EPPK1: variants seen among roughly 807,000 people sequenced by gnomAD.
EPPK1 encodes the protein epiplakin.
For missense variants in EPPK1, 3,823 were observed against 3,673.3 expected (o/e 1.04, Z -1.05); for synonymous variants, 1,862 against 1,721.2 (o/e 1.08, Z -2.03).
Position 143,870,500 on chromosome 8 carries a change from G to A in EPPK1, c.2754C>T (p.Leu918=). ...ACAGGTACCTGCGGACGCCGTCCAT[G>A]AGTAGGAGGGCCTCCGGGCTGATTG... ...AGTISPEALL[L]MDGVRRYLCG... is the part of the protein sequence containing the mutation. The change falls in exon 2 of 2, where the codon CTC becomes CTT. Residue 918 remains leucine (L), a synonymous_variant. Transcript: ENST00000615648. This position sits in a 1 kb window ranked among gnomAD's most constrained non-coding sequence, Gnocchi z 5.2. 5 of 1,606,900 alleles carry A rather than the reference G, an allele frequency of 3.1e-6. No homozygotes were observed. Among genetic ancestry groups the A allele is most frequent in the Non-Finnish European group, 4.2e-6 (5 of 1,176,736 alleles).
intron 1 of EPPK1, among the ~76,000 whole-genome samples, chr8:143,874,444 G>A (rs1257779995): frequency 6.6e-5 from 10 of 152,226 alleles, no homozygotes; most frequent in Non-Finnish European, 1.3e-4. Context: ...AACATAACTA[G>A]TGTCCTTATA....
At chr8:143,875,524 G>C (rs569059270) in intron 1 of EPPK1, among the ~76,000 whole-genome samples, 1 of 152,366 alleles carries the variant, frequency 6.6e-6, no homozygotes, top group East Asian at 1.9e-4. Context: ...TGTCCCGAGG[G>C]ACCGTGCTCA....
At position 143,867,004 on chromosome 8, in the gene EPPK1, G is replaced by A. The variant is rs781812162; in HGVS notation, c.6250C>T (p.Pro2084Ser). The A allele has an allele frequency of 5.6e-6, 9 of 1,612,694 alleles. No individual in the cohort carries two copies. In the African/African-American group the frequency reaches 6.7e-5, roughly 12 times the overall value. The change falls in exon 2 of 2, where the codon CCA becomes TCA. Residue 2084 changes from proline (P) to serine (S), a missense_variant. Physicochemically the swap from Pro to Ser is moderately conservative, Grantham distance 74 (BLOSUM62 -1). Coordinates refer to ENST00000615648, the MANE Select transcript of EPPK1 (RefSeq NM_031308.4). ...GAGTCCCGTGCAGCCTTGTTCACTGGGAACAGCAGCCAGCCCGTGTCCTCT... is the reference window on the plus strand; with the variant it reads ...GAGTCCCGTGCAGCCTTGTTCACTGAGAACAGCAGCCAGCCCGTGTCCTCT... ...PQEDTGWLLF[P>S]VNKAARDSEH...
rs781845272 is a variant in EPPK1 at position 143,867,090 on chromosome 8, A to G, written c.6164T>C (p.Val2055Ala). The G allele has an allele frequency of 9.9e-6, 16 of 1,612,960 alleles. No homozygotes were observed. In the South Asian group the frequency reaches 1.4e-4, roughly 14 times the overall value. Residue 2055 changes from valine to alanine, a missense_variant, in exon 2 of 2, where the codon GTG (valine) becomes GCG (alanine). Coordinates refer to ENST00000615648, the MANE Select transcript of EPPK1 (RefSeq NM_031308.4). The stretch of plus-strand genomic sequence containing the variant: ...GACCTTCTCTTGCGTGTTCGGGTCC[A>G]CAAACCGTTTCCTCATGTGCTTCTG... The part of the protein sequence containing the change: ...SDQKHMRKRF[V>A]DPNTQEKVSY...
Position 143,866,626 on chromosome 8 carries a change from G to C in EPPK1, c.6628C>G (p.Leu2210Val), listed in dbSNP as rs782779768. Residue 2210 changes from leucine to valine, a missense_variant, in exon 2 of 2, where the codon CTC (leucine) becomes GTC (valine). By Grantham distance (32) the Leu-to-Val change is conservative (BLOSUM62 1). Transcript: ENST00000615648. ...CGCTTGACGCGGTCGTCCTCCATGA[G>C]CTCTTGCGTCGTGCTCCGTCCCGTT... ...LETGRSTTQE[L>V]MEDDRVKRYL... 2 of 1,612,978 alleles carry C rather than the reference G, an allele frequency of 1.2e-6. No homozygotes were observed. The highest frequency in any genetic ancestry group is 8.5e-7 in the Non-Finnish European group (1 of 1,179,876).
Position 143,867,816 on chromosome 8 carries a change from A to C in EPPK1, c.5438T>G (p.Leu1813Arg), listed in dbSNP as rs376434550. The C allele has an allele frequency of 1.2e-5, 20 of 1,613,470 alleles. No homozygotes were observed. The African/African-American group carries it at 1.6e-4, about 13-fold the overall frequency. The change falls in exon 2 of 2, where the codon CTC (leucine) becomes CGC (arginine). Residue 1813 changes from leucine (L) to arginine (R), a missense_variant. Physicochemically the swap from Leu to Arg is moderately radical, Grantham distance 102. Transcript: ENST00000615648. ...ACTCTGGGCTCCATACTCCTGGATG[A>C]GCTCCCGCTTCCTGTCCTCTGTGAA... ...PYFTEDRKRE[L>R]IQEYGAQSGG...
Position 143,872,201 on chromosome 8 carries a change from CT to C in EPPK1, c.1052del (p.Glu351GlyfsTer13). 6.2e-7 allele frequency: 1 copy of C among 1,605,908 alleles called. No homozygotes were observed. Among genetic ancestry groups the C allele is most frequent in the South Asian group, 1.1e-5 (1 of 89,946 alleles). ...CGGCCACCAGGAGCTGCTCATGGAG[CT>C]CTGGGCTGACCAGGCCCGCCCTGAC... ...EAVRAGLVSPELHEQLLVAEQ... is the reference protein window; with the variant it reads ...EAVRAGLVSPXLHEQLLVAEQ... On this transcript the variant is annotated frameshift_variant, in exon 2 of 2. Coordinates refer to ENST00000615648, the MANE Select transcript of EPPK1 (RefSeq NM_031308.4). LOFTEE classifies it low-confidence loss of function (END_TRUNC).
At position 143,868,016 on chromosome 8, in the gene EPPK1, A is replaced by T; in HGVS notation, c.5238T>A (p.Cys1746Ter). The change falls in exon 2 of 2, where the codon TGT becomes TGA. Residue 1746 changes from cysteine to a stop codon, truncating the protein, a stop_gained. Transcript: ENST00000615648. LOFTEE classifies it low-confidence loss of function (END_TRUNC). ...NLTYLQLLERCVEDPETGLYL... is the reference protein window; with the variant it reads ...NLTYLQLLER ...ACAGGCCCGTCTCGGGGTCCTCCAC[A>T]CAGCGCTCCAGAAGCTGCAGGTACG... 6.2e-7 allele frequency: 1 copy of T among 1,613,578 alleles called. No homozygotes were observed. The highest frequency in any genetic ancestry group is 8.5e-7 in the Non-Finnish European group (1 of 1,179,990).
At position 143,867,395 on chromosome 8, in the gene EPPK1, C is replaced by T; in HGVS notation, c.5859G>A (p.Glu1953=). ...CGTTCACCAGGCCCACATCCACAGC[C>T]TCATCCACAGAGAGCTTCTGGCGGG... is the stretch of plus-strand genomic sequence containing the variant. ...PCTRQKLSVD[E]AVDVGLVNEE... is the part of the protein sequence containing the mutation. Residue 1953 remains glutamate, a synonymous_variant, in exon 2 of 2, where the codon GAG becomes GAA. Transcript: ENST00000615648. The T allele has an allele frequency of 6.2e-7, 1 of 1,612,914 alleles. No homozygotes were observed. Among genetic ancestry groups the T allele is most frequent in the Non-Finnish European group, 8.5e-7 (1 of 1,179,878 alleles).
At position 143,867,679 on chromosome 8, in the gene EPPK1, G is replaced by A. The variant is rs1554659562; in HGVS notation, c.5575C>T (p.Leu1859=). ...TGATCGATGACCCTGGAGTTGAACA[G>A]GTCTGCAGCTGTCACCTCCCCTCTG... ...AIRGEVTAAD[L]FNSRVIDQKT... The change falls in exon 2 of 2, where the codon CTG becomes TTG. Residue 1859 remains leucine (L), a synonymous_variant. Coordinates refer to ENST00000615648, the MANE Select transcript of EPPK1 (RefSeq NM_031308.4). 1.9e-6 allele frequency: 3 copies of A among 1,613,380 alleles called. No individual in the cohort carries two copies. The highest frequency in any genetic ancestry group is 1.3e-5 in the African/African-American group (1 of 74,906).
chr8:143,857,884 AT>A lies in EPPK1; in HGVS notation c.*102del, dbSNP rs1554657800. On this transcript the variant is annotated 3_prime_UTR_variant, in exon 2 of 2. Transcript: ENST00000615648. ...GATAACGAATGGGTAAAACAACAAA[AT>A]TAAAGAATGACAAAAAAAAAAAAAA... 1 of 879,698 alleles carries A rather than the reference AT, an allele frequency of 1.1e-6. No individual in the cohort carries two copies. Among genetic ancestry groups the A allele is most frequent in the Non-Finnish European group, 1.6e-6 (1 of 610,948 alleles). The allele number at this position is 879,698 out of a possible 1,614,324, so 54.5% of individuals were successfully genotyped here. A position where few individuals can be genotyped will look rare whatever the true frequency, so the allele number is the denominator to read the frequency against.
rs781830634 is a variant in EPPK1, at chr8:143,870,242, A to C, written c.3012T>G (p.Ala1004=). Residue 1004 remains alanine (A), a synonymous_variant, in exon 2 of 2, where the codon GCT becomes GCG. Coordinates refer to ENST00000615648, the MANE Select transcript of EPPK1 (RefSeq NM_031308.4). This position sits in a 1 kb window ranked among gnomAD's most constrained non-coding sequence, Gnocchi z 5.2. ...CTCTGAAGCCAGCAATGGCACCCTC[A>C]GCCCGCTTCAGCCTGCCATACAGCT... is the stretch of plus-strand genomic sequence containing the variant. The part of the protein sequence containing the change: ...GPELYGRLKR[A]EGAIAGFRDP... 1 of 1,601,962 alleles carries C rather than the reference A, an allele frequency of 6.2e-7. No homozygotes were observed. Among genetic ancestry groups the C allele is most frequent in the South Asian group, 1.1e-5 (1 of 89,468 alleles).
At chr8:143,875,429 G>A (rs566922195) in intron 1 of EPPK1, among the ~76,000 whole-genome samples, 10 of 152,234 alleles carry the variant, frequency 6.6e-5, no homozygotes, top group South Asian at 4.1e-4. Flanking sequence ...CCTCAGACAC[G>A]GAGCTGGGAC....
rs782237315 is a variant in EPPK1, at chr8:143,870,097, T to C, written c.3157A>G (p.Thr1053Ala). ...GGCATGGGGAGGTGGTGGTGGCTGG[T>C]GGGGTCAATGATCCCTCCTGTGGCC... ...QVATGGIIDPTSHHHLPMPVA... is the reference protein window; with the variant it reads ...QVATGGIIDPASHHHLPMPVA... The change falls in exon 2 of 2, where the codon ACC (threonine) becomes GCC (alanine). Residue 1053 changes from threonine to alanine, a missense_variant. Transcript: ENST00000615648. This position sits in a 1 kb window ranked among gnomAD's most constrained non-coding sequence, Gnocchi z 5.2. 1.1e-5 allele frequency: 18 copies of C among 1,608,702 alleles called. No individual in the cohort carries two copies. Among genetic ancestry groups the C allele is most frequent in the Middle Eastern group, 3.3e-4 (2 of 6,046 alleles).
chr8:143,857,704 AACAG>A lies in EPPK1; in HGVS notation c.*279_*282del. On this transcript the variant is annotated 3_prime_UTR_variant, in exon 2 of 2. Transcript: ENST00000615648. ...TGTAAAATGGAAGCAGTGAATCCAAAACAGACAGAAAAATGTTCTGAAAACGAAA... is the reference window on the plus strand; with the variant it reads ...TGTAAAATGGAAGCAGTGAATCCAAAACAGAAAAATGTTCTGAAAACGAAA... The A allele has an allele frequency of 2.5e-6, 1 of 393,390 alleles. No homozygotes were observed. The highest frequency in any genetic ancestry group is 4.5e-6 in the Non-Finnish European group (1 of 222,886). The allele number at this position is 393,390 out of a possible 1,614,324, so 24.4% of individuals were successfully genotyped here. A position where few individuals can be genotyped will look rare whatever the true frequency, so the allele number is the denominator to read the frequency against.
At chr8:143,878,998 G>C (rs1340967409), upstream of EPPK1, among the ~76,000 whole-genome samples, 2 of 152,106 alleles carry the variant, frequency 1.3e-5, no homozygotes, top group African/African-American at 2.4e-5. Context: ...CTCACCCCCC[G>C]GTCTGGCTCC....
rs782787968 is a variant in EPPK1 at position 143,868,406 on chromosome 8, G to A, written c.4848C>T (p.Asp1616=). The A allele has an allele frequency of 6.2e-7, 1 of 1,612,490 alleles. No individual in the cohort carries two copies. Residue 1616 remains aspartate, a synonymous_variant, in exon 2 of 2, where the codon GAC becomes GAT. Coordinates refer to ENST00000615648, the MANE Select transcript of EPPK1 (RefSeq NM_031308.4). ...EAQAATGFII[D]PVENRKLTVE... is the part of the protein sequence containing the mutation. ...CGGTCAGCTTCCGGTTCTCCACGGG[G>A]TCGATGATGAAGCCGGTAGCTGCCT...
chr8:143,858,061 A>T lies in EPPK1; in HGVS notation c.15193T>A (p.Tyr5065Asn). 6.2e-7 allele frequency: 1 copy of T among 1,613,388 alleles called. No individual in the cohort carries two copies. Among genetic ancestry groups the T allele is most frequent in the Non-Finnish European group, 8.5e-7 (1 of 1,179,952 alleles). ...FDPNTHENLT[Y>N]LQLLQRATLD... ...GTGGCCCTCTGCAGAAGCTGCAGGT[A>T]CGTGAGGTTCTCGTGCGTGTTGGGG... Residue 5065 changes from tyrosine to asparagine, a missense_variant, in exon 2 of 2, where the codon TAC (tyrosine) becomes AAC (asparagine). Tyr to Asn is a moderately radical substitution (Grantham distance 143). Transcript: ENST00000615648.
Position 143,870,295 on chromosome 8 carries a change from C to A in EPPK1, c.2959G>T (p.Ala987Ser). The A allele has an allele frequency of 1.3e-6, 2 of 1,582,036 alleles. No homozygotes were observed. Among genetic ancestry groups the A allele is most frequent in the Non-Finnish European group, 1.7e-6 (2 of 1,170,096 alleles). ...GGCCCCACCACACCCCTGCGCACGG[C>A]CTCATCCACCGAGAGGCTCTCTGGG... The part of the protein sequence containing the change: ...HSPESLSVDE[A>S]VRRGVVGPEL... The change falls in exon 2 of 2, where the codon GCC (alanine) becomes TCC (serine). Residue 987 changes from alanine to serine, a missense_variant. Physicochemically the swap from Ala to Ser is moderately conservative, Grantham distance 99. Coordinates refer to ENST00000615648, the MANE Select transcript of EPPK1 (RefSeq NM_031308.4). The surrounding 1 kb of genome is among the most constrained non-coding windows in gnomAD (Gnocchi z 5.2).
Sources: allele counts gnomAD v4.1 joint callset (sites outside exome capture counted in the v4.1 genomes callset), GRCh38; gene constraint gnomAD v4.1.1; non-coding constraint Gnocchi (gnomAD v3.1); transcripts MANE v1.5; gene names NCBI Gene and HGNC (gene_info 2026-07-23, HGNC 2026-07-21).